Variants in NTF3 observed in about 807,000 individuals in gnomAD.
NTF3 encodes neurotrophin 3.
Under a neutral mutation model 26.3 loss-of-function variants are expected in NTF3, and 8 were observed. The observed-to-expected ratio is 0.30, with a 90% CI of 0.18 to 0.55. The LOEUF (loss-of-function observed/expected upper bound fraction) is 0.55. Ranked by LOEUF, NTF3 falls within the 20% of genes least tolerant of loss-of-function variation. The pLI is 0.93. For missense variants in NTF3, 276 were observed against 352.9 expected, an observed-to-expected ratio of 0.78 and a Z score of 1.75; for synonymous variants, 154 against 145.5, an observed-to-expected ratio of 1.06 and a Z score of -0.42.
intron 1 of NTF3, among the ~76,000 whole-genome samples, chr12:5,440,273 A>C (rs1403498836): frequency 6.6e-6 from 1 of 152,226 alleles, no homozygotes; most frequent in East Asian, 1.9e-4. Context: ...TTATGTATTT[A>C]CTTTGCTTAA....
At chr12:5,459,804 T>C (rs1311919500) in intron 1 of NTF3, among the ~76,000 whole-genome samples, 1 of 152,208 alleles carries the variant, frequency 6.6e-6, no homozygotes, top group Non-Finnish European at 1.5e-5. Context: ...TCTCCAGTTC[T>C]TTCTTCTCTA....
chr12:5,453,226 A>T (rs573788860), intron 1 of NTF3, among the ~76,000 whole-genome samples: 5 of 152,082 alleles, frequency 3.3e-5, no homozygotes, highest in African/African-American at 1.2e-4. Context: ...TTTGATACCT[A>T]TTTTCCTATT....
At chr12:5,477,346 C>T (rs983748069) in intron 1 of NTF3, among the ~76,000 whole-genome samples, 15 of 152,160 alleles carry the variant, frequency 9.9e-5, no homozygotes, top group Non-Finnish European at 1.9e-4. Context: ...TTCCGAAACC[C>T]AAAAAGCCCT....
intron 1 of NTF3, among the ~76,000 whole-genome samples, chr12:5,471,313 G>A (rs114951156): frequency 0.012 from 1,776 of 152,212 alleles, 31 homozygotes; most frequent in African/African-American, 0.04. Context: ...TTCCTTGTCG[G>A]GCTTTAGTTC....
intron 1 of NTF3, among the ~76,000 whole-genome samples, chr12:5,480,106 C>G (rs79013129): frequency 0.11 from 16,567 of 152,212 alleles, 999 homozygotes; most frequent in Middle Eastern, 0.16. Context: ...AGCTGTTGAA[C>G]GCCACCTTTT....
At chr12:5,490,469 A>G (rs1031867176) in intron 1 of NTF3, among the ~76,000 whole-genome samples, 1 of 152,188 alleles carries the variant, frequency 6.6e-6, no homozygotes, top group Non-Finnish European at 1.5e-5. Flanking sequence ...CTAGAGAAAG[A>G]GCGTAGACAT....
chr12:5,445,382 A>T (rs17180851), intron 1 of NTF3, among the ~76,000 whole-genome samples: 19,194 of 150,902 alleles, frequency 0.13, 1,512 homozygotes, highest in East Asian at 0.36. Flanking sequence ...GCTACTGAAC[A>T]TTTTTTTTGT....
chr12:5,469,410 G>A (rs1219900747), intron 1 of NTF3, among the ~76,000 whole-genome samples: 1 of 152,102 alleles, frequency 6.6e-6, no homozygotes, highest in Admixed American at 6.5e-5. Flanking sequence ...ACAGAAAGAT[G>A]GCCTGTGTAG....
intron 1 of NTF3, among the ~76,000 whole-genome samples, chr12:5,452,902 A>G (rs1276114709): frequency 6.6e-6 from 1 of 152,112 alleles, no homozygotes; most frequent in African/African-American, 2.4e-5. Context: ...CCGACCTTAC[A>G]GCTAAGTGCA....
At chr12:5,471,150 T>TA (rs1176776315) in intron 1 of NTF3, among the ~76,000 whole-genome samples, 1 of 152,180 alleles carries the variant, frequency 6.6e-6, no homozygotes, top group Non-Finnish European at 1.5e-5. Flanking sequence ...GGGTCTCTTC[T>TA]AACACTAGAA....
chr12:5,434,073 C>T (rs1389357239), intron 1 of NTF3, among the ~76,000 whole-genome samples: 3 of 152,136 alleles, frequency 2.0e-5, no homozygotes, highest in African/African-American at 7.2e-5. Flanking sequence ...TCCAGAGGTC[C>T]TGTTTTCACA....
Position 5,432,218 on chromosome 12 carries a change from C to T in NTF3, c.-107C>T, listed in dbSNP as rs1349755582. ...CCTTTCTTTCTTCCTCTCCTTTTTC[C>T]CCTGCTGGGTAGTGGCTGCGGCGGG... On this transcript the variant is annotated 5_prime_UTR_variant, in exon 1 of 2. Transcript: ENST00000423158. 3 of 1,262,564 alleles carry T rather than the reference C, an allele frequency of 2.4e-6. No homozygotes were observed. The highest frequency in any genetic ancestry group is 1.5e-5 in the African/African-American group (1 of 67,758). The allele number at this position is 1,262,564 out of a possible 1,614,324, so 78.2% of individuals were successfully genotyped here. A position where few individuals can be genotyped will look rare whatever the true frequency, so the allele number is the denominator to read the frequency against.
Position 5,432,121 on chromosome 12 carries a change from G to A in NTF3, c.-204G>A. 1 of 650,478 alleles carries A rather than the reference G, an allele frequency of 1.5e-6. No individual in the cohort carries two copies. Among genetic ancestry groups the A allele is most frequent in the Non-Finnish European group, 2.8e-6 (1 of 359,158 alleles). The allele number at this position is 650,478 out of a possible 1,614,324, so 40.3% of individuals were successfully genotyped here. A position where few individuals can be genotyped will look rare whatever the true frequency, so the allele number is the denominator to read the frequency against. ...TCTGTTCACGGGACTCAGAGTTGAA[G>A]CTCCTCTCCCTTCCGAACAGCTCCG... On this transcript the variant is annotated 5_prime_UTR_variant, in exon 1 of 2. Transcript: ENST00000423158.
chr12:5,475,879 GGAAA>G (rs1432074476), intron 1 of NTF3, among the ~76,000 whole-genome samples: 9 of 126,762 alleles, frequency 7.1e-5, no homozygotes, highest in East Asian at 4.5e-4. Flanking sequence ...AGAGAGAGAA[GGAAA>G]GAAAGAAAGA....
intron 1 of NTF3, among the ~76,000 whole-genome samples, chr12:5,441,127 C>T (rs1199961498): frequency 4.6e-5 from 7 of 152,288 alleles, no homozygotes; most frequent in Non-Finnish European, 5.9e-5. Context: ...AGATCAGACC[C>T]CGCCTCTAAC....
In NTF3 at chr12:5,495,036, A is replaced by G; in HGVS notation, c.*48A>G. On this transcript the variant is annotated 3_prime_UTR_variant, in exon 2 of 2. Transcript: ENST00000423158. ...AAATTATTACTTTAAATTATATGAT[A>G]TGCATGTAGCATATAAATGTTTATA... The G allele has an allele frequency of 4.7e-6, 7 of 1,500,130 alleles. No homozygotes were observed. The highest frequency in any genetic ancestry group is 6.4e-6 in the Non-Finnish European group (7 of 1,100,044). 92.9% of individuals were successfully genotyped at this position (1,500,130 alleles called of 1,614,324 possible).
chr12:5,492,571 A>G (rs1356735390), intron 1 of NTF3, among the ~76,000 whole-genome samples: 1 of 152,220 alleles, frequency 6.6e-6, no homozygotes, highest in African/African-American at 2.4e-5. Flanking sequence ...CTAGGATAGT[A>G]CAATTCCTTA....
intron 1 of NTF3, among the ~76,000 whole-genome samples, chr12:5,444,343 A>T (rs905072957): frequency 1.3e-5 from 2 of 152,180 alleles, no homozygotes; most frequent in African/African-American, 4.8e-5. Flanking sequence ...TGGGGCAGAG[A>T]TAAAAGGGAG....
intron 1 of NTF3, among the ~76,000 whole-genome samples, chr12:5,466,578 C>T (rs1269700040): frequency 2.6e-5 from 4 of 152,112 alleles, no homozygotes; most frequent in African/African-American, 7.2e-5. Context: ...TGCTTGAGGG[C>T]GGGACAAGCA....
Sources: allele counts gnomAD v4.1 joint callset (sites outside exome capture counted in the v4.1 genomes callset), GRCh38; gene constraint gnomAD v4.1.1; transcripts MANE v1.5; gene names NCBI Gene and HGNC (gene_info 2026-07-23, HGNC 2026-07-21).